Variants in CREBBP observed in about 807,000 individuals in gnomAD.
CREBBP encodes the protein CREB-binding protein.
Under a neutral mutation model 265.0 loss-of-function variants are expected in CREBBP, and 19 were observed. The observed-to-expected ratio is 0.07, with a 90% CI of 0.05 to 0.11. The LOEUF (loss-of-function observed/expected upper bound fraction) is 0.11, where lower values mean the gene tolerates loss of function less well. CREBBP is among the 10% of genes least tolerant of loss of function. The probability of loss-of-function intolerance (pLI) is 1.00; values close to 1 mark genes in which losing one functional copy is unlikely to be tolerated. For missense variants in CREBBP, 2,525 were observed against 3,219.0 expected (o/e 0.78, Z 5.22); for synonymous variants, 1,457 against 1,223.7 (o/e 1.19, Z -3.98).
intron 3 of CREBBP, among the ~76,000 whole-genome samples, chr16:3,795,082 A>G (rs937592721): frequency 6.6e-6 from 1 of 152,248 alleles, no homozygotes; most frequent in African/African-American, 2.4e-5. Flanking sequence ...ATAAGTACGT[A>G]GAAAAGCTGG....
intron 3 of CREBBP, among the ~76,000 whole-genome samples, chr16:3,793,867 T>C (rs130033): frequency 6.6e-6 from 1 of 152,092 alleles, no homozygotes; most frequent in South Asian, 2.1e-4. Context: ...AGCAAGACAA[T>C]GGCTGGCTCT....
At chr16:3,749,427 AAC>A (rs1247017140) in intron 21 of CREBBP, among the ~76,000 whole-genome samples, 198 bp downstream of exon 21, 2 of 152,238 alleles carry the variant, frequency 1.3e-5, no homozygotes, top group African/African-American at 4.8e-5. Flanking sequence ...AAAATCCAGT[AAC>A]TAGAGTACAT....
intron 16 of CREBBP, among the ~76,000 whole-genome samples, chr16:3,763,763 C>T (rs2052779669): frequency 6.6e-6 from 1 of 152,080 alleles, no homozygotes; most frequent in Non-Finnish European, 1.5e-5. Flanking sequence ...TGCGCCCGGC[C>T]TGAAACAATT....
intron 1 of CREBBP, among the ~76,000 whole-genome samples, chr16:3,852,270 G>T (rs553947887): frequency 7.3e-5 from 10 of 136,824 alleles, no homozygotes; most frequent in African/African-American, 2.7e-4. Context: ...CCGGGTTCAC[G>T]CCACTGTCCT....
intron 28 of CREBBP, among the ~76,000 whole-genome samples, chr16:3,734,195 G>A (rs893768245): frequency 2.0e-5 from 3 of 152,018 alleles, no homozygotes; most frequent in African/African-American, 7.3e-5. Context: ...TCCCAGAATT[G>A]ACAGCATGAT....
chr16:3,756,421 T>A (rs2052587801), intron 19 of CREBBP, among the ~76,000 whole-genome samples: 1 of 152,272 alleles, frequency 6.6e-6, no homozygotes, highest in Non-Finnish European at 1.5e-5. Flanking sequence ...CAAGCTGTAT[T>A]TTGTGGGAAA....
chr16:3,781,828 G>C (rs2053279614), intron 6 of CREBBP, among the ~76,000 whole-genome samples: 1 of 152,186 alleles, frequency 6.6e-6, no homozygotes, highest in African/African-American at 2.4e-5. Context: ...CCATCAACAG[G>C]AGAGGAGTTA....
At chr16:3,749,140 G>A (rs1193397525) in intron 21 of CREBBP, among the ~76,000 whole-genome samples, 1 of 152,152 alleles carries the variant, frequency 6.6e-6, no homozygotes, top group African/African-American at 2.4e-5. Context: ...GAGCGAGACT[G>A]TCTCAAAAAA....
intron 1 of CREBBP, among the ~76,000 whole-genome samples, chr16:3,868,951 C>T (rs1362863745): frequency 6.6e-6 from 1 of 152,176 alleles, no homozygotes; most frequent in Non-Finnish European, 1.5e-5. Flanking sequence ...CCCCGCAGGG[C>T]AGAACCACAC....
chr16:3,756,357 A>G (rs751428768), intron 19 of CREBBP, among the ~76,000 whole-genome samples: 15 of 152,382 alleles, frequency 9.8e-5, no homozygotes, highest in Admixed American at 3.3e-4. Context: ...GCACATGGAC[A>G]CTTACACGCT....
chr16:3,781,174 C>A (rs987626880), intron 7 of CREBBP, 30 bp downstream of exon 7: 1 of 1,573,276 alleles, frequency 6.4e-7, no homozygotes, highest in Non-Finnish European at 8.7e-7. Context: ...TCCTGTTGGA[C>A]TGTCACTCAG....
Position 3,728,398 on chromosome 16 carries a change from C to A in CREBBP, c.6649G>T (p.Gly2217Trp), listed in dbSNP as rs778833800. The A allele has an allele frequency of 6.2e-7, 1 of 1,613,582 alleles. No homozygotes were observed. The highest frequency in any genetic ancestry group is 1.1e-5 in the South Asian group (1 of 91,054). Reference protein sequence around the residue: ...QQQQQQQQQQGSAGMAGGMAG... With the variant: ...QQQQQQQQQQWSAGMAGGMAG... ...ATGCCCCCAGCCATGCCGGCACTCC[C>A]TTGCTGCTGCTGCTGTTGCTGCTGT... The change falls in exon 31 of 31, where the codon GGG becomes TGG. Residue 2217 changes from glycine (G) to tryptophan (W), a missense_variant. By Grantham distance (184) the Gly-to-Trp change is radical. Around this residue, in one of 19 missense-constraint regions of CREBBP, gnomAD observed 473 missense variants for 459.3 expected, o/e 1.03. Transcript: ENST00000262367. The surrounding 1 kb of genome is among the most constrained non-coding windows in gnomAD (Gnocchi z 8.7).
chr16:3,756,096 A>G (rs1044529663), intron 19 of CREBBP, among the ~76,000 whole-genome samples: 2 of 152,244 alleles, frequency 1.3e-5, no homozygotes, highest in African/African-American at 2.4e-5. Flanking sequence ...CTGTGAACAA[A>G]TAACAAAAAG....
chr16:3,807,436 A>G, intron 3 of CREBBP, among the ~76,000 whole-genome samples: 1 of 152,174 alleles, frequency 6.6e-6, no homozygotes. Flanking sequence ...CAGTAAATAG[A>G]CCTAGATTTC....
intron 16 of CREBBP, chr16:3,767,437 T>C (rs2141179625): frequency 1.8e-6 from 1 of 545,888 alleles, no homozygotes; most frequent in East Asian, 3.2e-5. Context: ...CCAGACACAT[T>C]TCAACTCGGC....
Position 3,761,173 on chromosome 16 carries a change from C to T in CREBBP, c.3251-2201G>A, listed in dbSNP as rs538586320. On this transcript the variant is annotated intron_variant, in intron 16 of 30. Coordinates refer to ENST00000262367, the MANE Select transcript of CREBBP (RefSeq NM_004380.3). ...TTCTCCATGTTGGTCAGGCTGGTCT[C>T]GAACTCCTGACCTCAGGTGATGTGA... Among the ~76,000 whole-genome samples, 17 of 151,996 alleles carry T rather than the reference C, an allele frequency of 1.1e-4. No individual in the cohort carries two copies. In the South Asian group the frequency reaches 3.3e-3, roughly 30 times the overall value.
chr16:3,764,094 G>GA (rs1207490994), intron 16 of CREBBP, among the ~76,000 whole-genome samples: 3 of 151,324 alleles, frequency 2.0e-5, no homozygotes, highest in African/African-American at 2.4e-5. Context: ...ACAGTCACAA[G>GA]AAAAAAAATA....
intron 28 of CREBBP, among the ~76,000 whole-genome samples, chr16:3,732,709 A>ATT (rs200784282): frequency 6.6e-6 from 1 of 151,062 alleles, no homozygotes; most frequent in African/African-American, 2.4e-5. Flanking sequence ...GCTACCTATC[A>ATT]TTTTTTTTGA....
At chr16:3,746,993 G>C (rs1422340718) in intron 21 of CREBBP, among the ~76,000 whole-genome samples, 1 of 151,908 alleles carries the variant, frequency 6.6e-6, no homozygotes, top group African/African-American at 2.4e-5. Flanking sequence ...GCATATTCTA[G>C]ACCCCATGAC....
Sources: gnomAD v4.1 joint callset for allele counts (sites outside exome capture counted in the v4.1 genomes callset) on GRCh38, gnomAD v4.1.1 for gene constraint, gnomAD v4.1.1 regional missense constraint, Gnocchi (gnomAD v3.1) non-coding constraint, MANE v1.5 for transcripts, NCBI Gene and HGNC (gene_info 2026-07-23, HGNC 2026-07-21) for gene names.